The following FHIT variants were observed in gnomAD, a reference collection of about 807,000 sequenced individuals.
FHIT encodes fragile histidine triad diadenosine triphosphatase.
A neutral mutation model predicts 17.9 loss-of-function variants in FHIT; 19 were observed. The ratio of observed to expected loss-of-function variants is 1.06; its 90% CI spans 0.74 to 1.56. The LOEUF is 1.56. Among genes scored for constraint, FHIT ranks in the 40% most tolerant of loss-of-function variants. The pLI is 0.00. For synonymous variants in FHIT, 81 were observed against 69.7 expected (o/e 1.16, Z -0.81); for missense variants, 248 against 189.2 (o/e 1.31, Z -1.82).
intron 5 of FHIT, among the ~76,000 whole-genome samples, chr3:60,198,499 C>A (rs1702748810): frequency 6.6e-6 from 1 of 152,026 alleles, no homozygotes; most frequent in Admixed American, 6.6e-5. Flanking sequence ...TGCATGCATA[C>A]CTTCCCAGGT....
intron 2 of FHIT, among the ~76,000 whole-genome samples, chr3:61,125,951 T>C (rs2036593438): frequency 6.6e-6 from 1 of 152,188 alleles, no homozygotes; most frequent in South Asian, 2.1e-4. Flanking sequence ...CTATCCAATT[T>C]TATAGATAGG....
intron 2 of FHIT, among the ~76,000 whole-genome samples, chr3:61,069,620 A>G (rs2034733594): frequency 6.6e-6 from 1 of 152,234 alleles, no homozygotes; most frequent in Admixed American, 6.5e-5. Flanking sequence ...TTAAAAGAGA[A>G]GAGATAATCT....
chr3:61,195,840 A>G (rs1192209764), intron 2 of FHIT, among the ~76,000 whole-genome samples: 1 of 152,218 alleles, frequency 6.6e-6, no homozygotes, highest in Non-Finnish European at 1.5e-5. Context: ...TGACCCACCT[A>G]TGAAATTGAC....
At chr3:61,125,202 G>A (rs895103095) in intron 2 of FHIT, among the ~76,000 whole-genome samples, 1 of 152,086 alleles carries the variant, frequency 6.6e-6, no homozygotes, top group African/African-American at 2.4e-5. Context: ...ATTTCAACTG[G>A]CACTTTTTTA....
At chr3:60,458,779 A>G (rs911217556) in intron 5 of FHIT, among the ~76,000 whole-genome samples, 2 of 151,764 alleles carry the variant, frequency 1.3e-5, no homozygotes, top group Non-Finnish European at 2.9e-5. Flanking sequence ...GCATTCTACT[A>G]TATATATTTT....
At chr3:60,097,718 TTTA>T (rs1239948585) in intron 5 of FHIT, among the ~76,000 whole-genome samples, 3 of 151,922 alleles carry the variant, frequency 2.0e-5, no homozygotes, top group Non-Finnish European at 2.9e-5. Flanking sequence ...TTTTTAAAAT[TTTA>T]TTATTATTAT....
chr3:59,872,762 GC>G (rs1702980033), intron 8 of FHIT, among the ~76,000 whole-genome samples: 1 of 152,144 alleles, frequency 6.6e-6, no homozygotes, highest in South Asian at 2.1e-4. Context: ...AAGCTGTGTA[GC>G]CTGAGCTTAG....
chr3:60,362,369 C>T (rs1161123383), intron 5 of FHIT, among the ~76,000 whole-genome samples: 2 of 152,174 alleles, frequency 1.3e-5, no homozygotes, highest in African/African-American at 2.4e-5. Context: ...GCTTATCAAA[C>T]ATGAAGGCTT....
intron 4 of FHIT, among the ~76,000 whole-genome samples, chr3:60,731,195 A>G (rs1553711128): frequency 6.6e-6 from 1 of 152,140 alleles, no homozygotes; most frequent in East Asian, 1.9e-4. Context: ...CTGGCCGAAC[A>G]TATCTGAGTC....
At chr3:60,023,745 T>C (rs1389430972) in intron 5 of FHIT, among the ~76,000 whole-genome samples, 5 of 152,224 alleles carry the variant, frequency 3.3e-5, no homozygotes, top group African/African-American at 9.6e-5. Flanking sequence ...TACTCCTTTA[T>C]AGATAGGCTC....
In FHIT at chr3:61,006,258, G is replaced by A. The variant is rs566640559; in HGVS notation, c.-111+35789C>T. On this transcript the variant is annotated intron_variant, in intron 3 of 9. Transcript: ENST00000492590. ...TCTCAAATATGGGATTTGACATTAA[G>A]ATGCCAAAAGAAGACTCAGAAGGTA... Among the ~76,000 whole-genome samples, 5 of 152,234 alleles carry A rather than the reference G, an allele frequency of 3.3e-5. No homozygotes were observed. The South Asian group carries it at 1.0e-3, about 32-fold the overall frequency.
At chr3:59,861,762 C>A (rs1249734765) in intron 8 of FHIT, among the ~76,000 whole-genome samples, 1 of 152,216 alleles carries the variant, frequency 6.6e-6, no homozygotes, top group African/African-American at 2.4e-5. Flanking sequence ...ACCTTAATTT[C>A]TTTCTCTCAT....
intron 5 of FHIT, among the ~76,000 whole-genome samples, chr3:60,162,407 G>C (rs1477089811): frequency 6.6e-6 from 1 of 152,122 alleles, no homozygotes; most frequent in Non-Finnish European, 1.5e-5. Context: ...AAATTCTCAA[G>C]TGCTTGTTTA....
chr3:60,394,084 G>T (rs758013161), intron 5 of FHIT, among the ~76,000 whole-genome samples: 13 of 152,136 alleles, frequency 8.5e-5, no homozygotes, highest in Non-Finnish European at 1.2e-4. Context: ...AGCCTCAGGG[G>T]TGAGGGTCAG....
intron 5 of FHIT, among the ~76,000 whole-genome samples, chr3:60,463,736 T>C (rs1417298904): frequency 6.6e-6 from 1 of 152,184 alleles, no homozygotes; most frequent in African/African-American, 2.4e-5. Context: ...CTTAGACCAG[T>C]TGAAACTCTG....
chr3:59,866,091 G>A (rs1702634263), intron 8 of FHIT, among the ~76,000 whole-genome samples: 1 of 152,196 alleles, frequency 6.6e-6, no homozygotes, highest in South Asian at 2.1e-4. Context: ...ATTTCAGAGA[G>A]TGATAGACGA....
At chr3:59,981,517 T>C (rs1241693295) in intron 7 of FHIT, among the ~76,000 whole-genome samples, 1 of 152,098 alleles carries the variant, frequency 6.6e-6, no homozygotes, top group Non-Finnish European at 1.5e-5. Flanking sequence ...GAAAAATTTG[T>C]TCATTACACA....
intron 4 of FHIT, among the ~76,000 whole-genome samples, chr3:60,556,071 G>A (rs1275137913): frequency 6.6e-6 from 1 of 152,176 alleles, no homozygotes; most frequent in Non-Finnish European, 1.5e-5. Flanking sequence ...GGAGCTAAGA[G>A]TTCTCAAAGG....
At chr3:60,457,257 A>C (rs1442504005) in intron 5 of FHIT, among the ~76,000 whole-genome samples, 1 of 152,084 alleles carries the variant, frequency 6.6e-6, no homozygotes, top group Non-Finnish European at 1.5e-5. Context: ...AACAGAACAG[A>C]GCCCTCAGAA....
Sources: allele counts gnomAD v4.1 joint callset (sites outside exome capture counted in the v4.1 genomes callset), GRCh38; gene constraint gnomAD v4.1.1; transcripts MANE v1.5; gene names NCBI Gene and HGNC (gene_info 2026-07-23, HGNC 2026-07-21).